DCLK1: variants seen among roughly 807,000 people sequenced by gnomAD.
DCLK1 encodes the protein serine/threonine-protein kinase DCLK1.
Under a neutral mutation model 86.2 loss-of-function variants are expected in DCLK1, and 16 were observed. That is an observed-to-expected ratio of 0.19 (90% confidence interval 0.13 to 0.28). The LOEUF is 0.28. DCLK1 is among the 10% of genes least tolerant of loss of function. DCLK1 has a pLI of 1.00. For synonymous variants in DCLK1, 369 were observed against 370.5 expected, an observed-to-expected ratio of 1.00 and a Z score of 0.05; for missense variants, 590 against 940.2, an observed-to-expected ratio of 0.63 and a Z score of 4.87.
chr13:35,883,165 G>A (rs1249991728), intron 4 of DCLK1, among the ~76,000 whole-genome samples: 2 of 152,164 alleles, frequency 1.3e-5, no homozygotes, highest in East Asian at 1.9e-4. Flanking sequence ...GTTAGGAGGG[G>A]TTTAAGCAAG....
intron 2 of DCLK1, among the ~76,000 whole-genome samples, chr13:36,124,230 T>C (rs1886091155): frequency 6.6e-6 from 1 of 152,232 alleles, no homozygotes; most frequent in African/African-American, 2.4e-5. Flanking sequence ...AAATGTTTCA[T>C]TTAACCTTGG....
intron 3 of DCLK1, among the ~76,000 whole-genome samples, chr13:35,994,837 C>T (rs1461688795): frequency 6.6e-6 from 1 of 152,148 alleles, no homozygotes; most frequent in East Asian, 1.9e-4. Context: ...AACCAGCATG[C>T]GATGGCATTA....
At chr13:36,040,668 A>T (rs1882671552) in intron 3 of DCLK1, among the ~76,000 whole-genome samples, 2 of 151,932 alleles carry the variant, frequency 1.3e-5, no homozygotes, top group Non-Finnish European at 2.9e-5. Context: ...CATTTTAAGG[A>T]GTGGGGAGTT....
rs577649114 is a variant in DCLK1 at position 36,017,569 on chromosome 13, G to C, written c.724-70112C>G. On this transcript the variant is annotated intron_variant, in intron 3 of 16. Transcript: ENST00000360631. ...ATCCAAACATGACTTCAGAATCAAT[G>C]AAAAACTAAATGGTGTTCAATATCA... Among the ~76,000 whole-genome samples, 7 of 152,222 alleles carry C rather than the reference G, an allele frequency of 4.6e-5. No individual in the cohort carries two copies. The South Asian group carries it at 1.5e-3, about 32-fold the overall frequency.
rs115300876 is a variant in DCLK1 at position 35,968,980 on chromosome 13, C to T, written c.724-21523G>A. On this transcript the variant is annotated intron_variant, in intron 3 of 16. Transcript: ENST00000360631. ...CAAAATGCTCATCTACAGTTCAAAA[C>T]GAAGCACAACCTCTCCAGCAAATTT... Among the ~76,000 whole-genome samples, 491 of 152,256 alleles carry T rather than the reference C, an allele frequency of 3.2e-3. 2 individuals carry two copies. The highest frequency in any genetic ancestry group is 0.011 in the African/African-American group (464 of 41,536).
At chr13:35,949,825 G>GT (rs34920645) in intron 3 of DCLK1, among the ~76,000 whole-genome samples, 11,387 of 130,568 alleles carry the variant, frequency 0.087, 1,534 homozygotes, top group African/African-American at 0.28. Context: ...ATCTTGGGCA[G>GT]TTTTTTTTTT....
intron 3 of DCLK1, among the ~76,000 whole-genome samples, chr13:36,023,192 C>T (rs1881858231): frequency 6.6e-6 from 1 of 152,158 alleles, no homozygotes. Flanking sequence ...GTTCAACAGA[C>T]AGATACAGAT....
intron 4 of DCLK1, among the ~76,000 whole-genome samples, chr13:35,908,409 T>C (rs1038636122): frequency 6.6e-6 from 1 of 152,198 alleles, no homozygotes; most frequent in Non-Finnish European, 1.5e-5. Flanking sequence ...GAAAAAGACC[T>C]GGATTATGCT....
chr13:35,909,417 C>T (rs1274750917), intron 4 of DCLK1, among the ~76,000 whole-genome samples: 2 of 152,270 alleles, frequency 1.3e-5, no homozygotes, highest in African/African-American at 4.8e-5. Context: ...GCAATCCTGG[C>T]TCTCCACTGT....
upstream of DCLK1, chr13:36,131,447 C>T (rs895618115): frequency 3.0e-5 from 5 of 167,798 alleles, no homozygotes; most frequent in African/African-American, 9.6e-5. Context: ...CCGTCTCCCT[C>T]CTCCTCCTCC....
intron 3 of DCLK1, among the ~76,000 whole-genome samples, chr13:36,082,002 C>G (rs143141970): frequency 9.2e-5 from 14 of 152,284 alleles, no homozygotes; most frequent in East Asian, 7.7e-4. Flanking sequence ...CAATCCACCC[C>G]CTCCAGATAA....
At chr13:35,901,731 G>A (rs1874379387) in intron 4 of DCLK1, among the ~76,000 whole-genome samples, 2 of 151,986 alleles carry the variant, frequency 1.3e-5, no homozygotes, top group Non-Finnish European at 2.9e-5. Context: ...ACCAGCTGCT[G>A]CTTGCTACAG....
chr13:35,940,997 T>C (rs1317265660), intron 4 of DCLK1, among the ~76,000 whole-genome samples: 1 of 152,114 alleles, frequency 6.6e-6, no homozygotes, highest in Non-Finnish European at 1.5e-5. Flanking sequence ...TTGACATTTA[T>C]TGTCTCATTT....
At chr13:35,939,475 G>A (rs1274234789) in intron 4 of DCLK1, among the ~76,000 whole-genome samples, 1 of 152,196 alleles carries the variant, frequency 6.6e-6, no homozygotes, top group Non-Finnish European at 1.5e-5. Flanking sequence ...CGCAATCTCT[G>A]CTCACTGCAG....
chr13:35,908,239 A>G (rs1336486863), intron 4 of DCLK1, among the ~76,000 whole-genome samples: 1 of 152,236 alleles, frequency 6.6e-6, no homozygotes, highest in African/African-American at 2.4e-5. Flanking sequence ...AGTATAAAAG[A>G]TCTATGACAT....
At chr13:35,999,928 C>A (rs1880639522) in intron 3 of DCLK1, among the ~76,000 whole-genome samples, 1 of 152,134 alleles carries the variant, frequency 6.6e-6, no homozygotes, top group Admixed American at 6.5e-5. Flanking sequence ...CCAATCCACC[C>A]AAACAAGTCT....
At chr13:36,120,312 G>A (rs959044192) in intron 2 of DCLK1, among the ~76,000 whole-genome samples, 4 of 152,144 alleles carry the variant, frequency 2.6e-5, no homozygotes, top group Non-Finnish European at 5.9e-5. Context: ...ATAGAGTCAT[G>A]TGCCACAATA....
chr13:36,106,681 A>T (rs535691311), intron 3 of DCLK1, among the ~76,000 whole-genome samples: 2 of 152,336 alleles, frequency 1.3e-5, no homozygotes, highest in Admixed American at 6.5e-5. Context: ...CTAATAAAAA[A>T]GGAAAAATAC....
chr13:35,848,622 A>G lies in DCLK1; in HGVS notation c.1035+5877T>C, dbSNP rs562602572. On this transcript the variant is annotated intron_variant, in intron 6 of 16. Transcript: ENST00000360631. ...GCCATGGGCTCTATATCAATTGGCAATATCTACCACTTAGAACAAATAGCA... is the reference window on the plus strand; with the variant it reads ...GCCATGGGCTCTATATCAATTGGCAGTATCTACCACTTAGAACAAATAGCA... 1.0e-5 allele frequency: 10 copies of G among 985,350 alleles called. No individual in the cohort carries two copies. The South Asian group carries it at 4.2e-4, about 42-fold the overall frequency. The allele number at this position is 985,350 out of a possible 1,614,324, so 61.0% of individuals were successfully genotyped here. A position where few individuals can be genotyped will look rare whatever the true frequency, so the allele number is the denominator to read the frequency against.
Sources: gnomAD v4.1 joint callset for allele counts (sites outside exome capture counted in the v4.1 genomes callset) on GRCh38, gnomAD v4.1.1 for gene constraint, MANE v1.5 for transcripts, NCBI Gene and HGNC (gene_info 2026-07-23, HGNC 2026-07-21) for gene names.